The following NREP variants were observed in gnomAD, a reference collection of about 807,000 sequenced individuals.
NREP encodes neuronal regeneration-related protein.
A neutral mutation model predicts 8.6 loss-of-function variants in NREP; 5 were observed. The observed-to-expected ratio is 0.58, with a 90% confidence interval of 0.30 to 1.22. NREP has a LOEUF of 1.22. Ranked by LOEUF, NREP falls within the 50% of genes most tolerant of loss-of-function variation. NREP has a pLI of 0.07. For missense variants in NREP, 86 were observed against 82.5 expected, an observed-to-expected ratio of 1.04 and a Z score of -0.17; for synonymous variants, 27 against 28.0, an observed-to-expected ratio of 0.96 and a Z score of 0.11.
intron 2 of NREP, among the ~76,000 whole-genome samples, chr5:111,925,567 T>C (rs1755362702): frequency 1.3e-5 from 2 of 152,188 alleles, no homozygotes; most frequent in African/African-American, 4.8e-5. Flanking sequence ...CCTGTTTCTG[T>C]AATTTTCTTC....
chr5:111,767,294 G>C (rs560153616), intron 2 of NREP, among the ~76,000 whole-genome samples: 136 of 149,502 alleles, frequency 9.1e-4, no homozygotes, highest in African/African-American at 3.2e-3. Flanking sequence ...ACTCCTCCCC[G>C]CCAAAAAAAA....
chr5:111,854,976 A>G (rs7737873), intron 2 of NREP, among the ~76,000 whole-genome samples: 8,961 of 152,216 alleles, frequency 0.059, 618 homozygotes, highest in East Asian at 0.24. Flanking sequence ...TTGTTTATTC[A>G]TCTACCTCCC....
chr5:111,770,019 G>A (rs1047491979), intron 2 of NREP, among the ~76,000 whole-genome samples: 13 of 152,178 alleles, frequency 8.5e-5, no homozygotes, highest in African/African-American at 3.1e-4. Context: ...GAGATAGGGA[G>A]GCCGTGATTG....
intron 2 of NREP, among the ~76,000 whole-genome samples, chr5:111,801,307 G>A (rs1427520388): frequency 6.6e-6 from 1 of 152,166 alleles, no homozygotes; most frequent in African/African-American, 2.4e-5. Context: ...TTGAGAATGT[G>A]GGGGTGCTGA....
chr5:111,788,402 G>T (rs1344064871), intron 2 of NREP, among the ~76,000 whole-genome samples: 1 of 152,184 alleles, frequency 6.6e-6, no homozygotes, highest in African/African-American at 2.4e-5. Flanking sequence ...GCATATATAT[G>T]TGGAAATTAG....
At chr5:111,872,567 G>C (rs1165513140) in intron 2 of NREP, among the ~76,000 whole-genome samples, 1 of 152,134 alleles carries the variant, frequency 6.6e-6, no homozygotes, top group Non-Finnish European at 1.5e-5. Flanking sequence ...AGGATTGATG[G>C]TTGTCTGTGC....
chr5:111,758,183 C>G (rs1163079567), upstream of NREP: 4 of 985,492 alleles, frequency 4.1e-6, no homozygotes, highest in African/African-American at 7.0e-5. Context: ...GGGAGCGCCC[C>G]TGAAGGCCGG....
chr5:111,962,473 C>A (rs777996229), intron 2 of NREP, among the ~76,000 whole-genome samples: 11 of 152,134 alleles, frequency 7.2e-5, no homozygotes, highest in Non-Finnish European at 1.3e-4. Flanking sequence ...CTAAACTGTG[C>A]ATCTAAATAC....
At chr5:111,789,160 CAT>C (rs942904346) in intron 2 of NREP, among the ~76,000 whole-genome samples, 1 of 152,082 alleles carries the variant, frequency 6.6e-6, no homozygotes, top group Non-Finnish European at 1.5e-5. Context: ...TGTATATACA[CAT>C]ATATGTGTAT....
At chr5:111,864,180 C>T (rs1323586338) in intron 2 of NREP, among the ~76,000 whole-genome samples, 6 of 151,964 alleles carry the variant, frequency 3.9e-5, no homozygotes, top group Admixed American at 3.9e-4. Flanking sequence ...TTTGTAAGCA[C>T]AAAAGATTGG....
chr5:111,927,949 G>T (rs868820102), intron 2 of NREP, among the ~76,000 whole-genome samples: 7 of 152,144 alleles, frequency 4.6e-5, no homozygotes, highest in Non-Finnish European at 8.8e-5. Flanking sequence ...AGGATGGACT[G>T]TGAAAAAGTC....
intron 2 of NREP, among the ~76,000 whole-genome samples, chr5:111,815,529 G>A (rs528159195): frequency 6.6e-6 from 1 of 151,300 alleles, no homozygotes; most frequent in South Asian, 2.1e-4. Flanking sequence ...TGAAGAAAAT[G>A]GATAAAAAGA....
intron 2 of NREP, among the ~76,000 whole-genome samples, chr5:111,904,131 C>T (rs1258054226): frequency 6.6e-6 from 1 of 152,050 alleles, no homozygotes; most frequent in African/African-American, 2.4e-5. Flanking sequence ...TCCCTCTCTC[C>T]TCCAACTCAG....
chr5:111,820,107 G>C (rs1337623163), intron 2 of NREP, among the ~76,000 whole-genome samples: 1 of 135,006 alleles, frequency 7.4e-6, no homozygotes, highest in African/African-American at 2.8e-5. Flanking sequence ...ATCCTGCTAA[G>C]TCCGTAGAGA....
chr5:111,915,459 A>G (rs562802501), intron 2 of NREP, among the ~76,000 whole-genome samples: 16 of 152,196 alleles, frequency 1.1e-4, no homozygotes, highest in Admixed American at 7.9e-4. Context: ...TGAGGCTACT[A>G]CAAGAGGCAA....
rs1199707730 is a variant in NREP at position 111,735,503 on chromosome 5, T to C, written c.8A>G (p.Tyr3Cys). The change falls in exon 3 of 4, where the codon TAT becomes TGT. Residue 3 changes from tyrosine (Y) to cysteine (C), a missense_variant. By Grantham distance (194) the Tyr-to-Cys change is radical. Transcript: ENST00000257435. Reference sequence around the variant, plus strand: ...GACCCAGACAAAGAGTTCTGGGTAATAAACCTATAGAGACACAAAAGCATA... The same window carrying C: ...GACCCAGACAAAGAGTTCTGGGTAACAAACCTATAGAGACACAAAAGCATA... The part of the protein sequence containing the change: MV[Y>C]YPELFVWVSQ... 1 of 1,610,476 alleles carries C rather than the reference T, an allele frequency of 6.2e-7. No individual in the cohort carries two copies. Among genetic ancestry groups the C allele is most frequent in the Admixed American group, 1.7e-5 (1 of 59,988 alleles).
chr5:111,931,489 C>T (rs1038819207), intron 2 of NREP, among the ~76,000 whole-genome samples: 1 of 152,138 alleles, frequency 6.6e-6, no homozygotes, highest in African/African-American at 2.4e-5. Context: ...AGCCGACCTT[C>T]CAGCCTAAGT....
At chr5:111,804,650 T>C (rs770277850) in intron 2 of NREP, among the ~76,000 whole-genome samples, 8 of 151,996 alleles carry the variant, frequency 5.3e-5, no homozygotes, top group Non-Finnish European at 1.2e-4. Context: ...AAAGCGCTGC[T>C]ATCCCTAATA....
intron 2 of NREP, among the ~76,000 whole-genome samples, chr5:111,808,588 G>A (rs1430803145): frequency 1.3e-5 from 2 of 152,026 alleles, no homozygotes; most frequent in Admixed American, 1.3e-4. Flanking sequence ...ACTATTCTTT[G>A]TCCTGGAACT....
Sources: gnomAD v4.1 joint callset for allele counts (sites outside exome capture counted in the v4.1 genomes callset) on GRCh38, gnomAD v4.1.1 for gene constraint, MANE v1.5 for transcripts, NCBI Gene and HGNC (gene_info 2026-07-23, HGNC 2026-07-21) for gene names.